Variants in FBXO39 observed in about 807,000 individuals in gnomAD.
The protein encoded by FBXO39 is F-box protein 39.
FBXO39 carries 22 observed loss-of-function variants against 36.6 expected under a neutral mutation model. That is an observed-to-expected ratio of 0.60 (90% CI 0.43 to 0.86). The LOEUF (loss-of-function observed/expected upper bound fraction) is 0.86. FBXO39 is among the 40% of genes least tolerant of loss of function. The pLI, the probability that FBXO39 is intolerant of heterozygous loss-of-function variation, is 0.00. For missense variants in FBXO39, 536 were observed against 543.9 expected, an observed-to-expected ratio of 0.99 and a Z score of 0.14; for synonymous variants, 206 against 205.8, an observed-to-expected ratio of 1.00 and a Z score of -0.01.
At position 6,776,409 on chromosome 17, in the gene FBXO39, C is replaced by T. The variant is rs74689928; in HGVS notation, c.-81+137C>T. On this transcript the variant is annotated intron_variant, in intron 1 of 3. Coordinates refer to ENST00000321535, the MANE Select transcript of FBXO39 (RefSeq NM_153230.3). ...GGGAGGCGGGCTGCTCTCATCACCC[C>T]CTCTGGGAAGCATCTTTGGCTGCAG... The T allele has an allele frequency of 3.3e-5, 5 of 151,798 alleles. No homozygotes were observed. The South Asian group carries it at 6.2e-4, about 19-fold the overall frequency. 9.4% of individuals were successfully genotyped at this position (151,798 alleles called of 1,614,324 possible).
At chr17:6,778,079 C>T (rs1488813575) in intron 1 of FBXO39, among the ~76,000 whole-genome samples, 4 of 152,064 alleles carry the variant, frequency 2.6e-5, no homozygotes, top group East Asian at 3.9e-4. Context: ...GACTTGGGGT[C>T]CATCAAAGGA....
chr17:6,787,370 A>T lies in FBXO39; in HGVS notation c.1271A>T (p.Tyr424Phe). 1 of 1,614,160 alleles carries T rather than the reference A, an allele frequency of 6.2e-7. No individual in the cohort carries two copies. Among genetic ancestry groups the T allele is most frequent in the African/African-American group, 1.3e-5 (1 of 75,054 alleles). Reference sequence around the variant, plus strand: ...ACCCTGCAGGAAATTTACAGGAAGTACAGAAAGCTGATCGAATCAGAGCTT... The same window carrying T: ...ACCCTGCAGGAAATTTACAGGAAGTTCAGAAAGCTGATCGAATCAGAGCTT... ...DKTLQEIYRKYRKLIESELSY... is the reference protein window; with the variant it reads ...DKTLQEIYRKFRKLIESELSY... The change falls in exon 4 of 4, where the codon TAC becomes TTC. Residue 424 changes from tyrosine (Y) to phenylalanine (F), a missense_variant. Coordinates refer to ENST00000321535, the MANE Select transcript of FBXO39 (RefSeq NM_153230.3).
chr17:6,783,310 G>A (rs1364529985), intron 2 of FBXO39, among the ~76,000 whole-genome samples: 1 of 151,832 alleles, frequency 6.6e-6, no homozygotes, highest in East Asian at 1.9e-4. Context: ...CATCAAAAAA[G>A]AAGAAAAACT....
chr17:6,779,368 T>C (rs984154496), intron 1 of FBXO39, among the ~76,000 whole-genome samples: 3 of 152,214 alleles, frequency 2.0e-5, no homozygotes, highest in African/African-American at 4.8e-5. Context: ...TTGCACGTAT[T>C]GTTCCCTCTG....
chr17:6,779,976 G>A lies in FBXO39; in HGVS notation c.108G>A (p.Arg36=), dbSNP rs751318642. 6 of 1,614,216 alleles carry A rather than the reference G, an allele frequency of 3.7e-6. No individual in the cohort carries two copies. Among genetic ancestry groups the A allele is most frequent in the Non-Finnish European group, 3.4e-6 (4 of 1,180,034 alleles). The change falls in exon 2 of 4, where the codon AGG becomes AGA. Residue 36 remains arginine, a synonymous_variant. Transcript: ENST00000321535. ...RVFWWLGDRD[R]SRAALVCRKW... The stretch of plus-strand genomic sequence containing the variant: ...TCTGGTGGCTAGGAGACAGGGACAG[G>A]TCCAGGGCTGCTCTTGTCTGCAGAA...
intron 2 of FBXO39, among the ~76,000 whole-genome samples, chr17:6,785,739 G>A (rs1280572800): frequency 6.6e-6 from 1 of 151,902 alleles, no homozygotes; most frequent in Admixed American, 6.6e-5. Flanking sequence ...GGCAAAATAA[G>A]TATATTAAAA....
At chr17:6,786,716 A>G (rs1976576591) in intron 2 of FBXO39, 64 bp from the exon 3 acceptor site, 2 of 1,421,098 alleles carry the variant, frequency 1.4e-6, no homozygotes, top group Admixed American at 2.3e-5. Context: ...GAAATGTTAC[A>G]GAACAACTCA....
In FBXO39 at chr17:6,780,394, G is replaced by A. The variant is rs148718442; in HGVS notation, c.526G>A (p.Val176Met). 6.2e-5 allele frequency: 100 copies of A among 1,614,008 alleles called. No homozygotes were observed. The highest frequency in any genetic ancestry group is 7.9e-5 in the Non-Finnish European group (93 of 1,180,042). ...CAACCTAAAAGGGGCCAGGCTGACC[G>A]TGGAGCAAGGCTGCCAAATTCTCGA... is the stretch of plus-strand genomic sequence containing the variant. ...YLNLKGARLT[V>M]EQGCQILDSL... Residue 176 changes from valine to methionine, a missense_variant, in exon 2 of 4, where the codon GTG becomes ATG. Transcript: ENST00000321535.
chr17:6,782,543 T>C (rs757957312), intron 2 of FBXO39, among the ~76,000 whole-genome samples: 22 of 152,038 alleles, frequency 1.4e-4, no homozygotes, highest in Non-Finnish European at 2.8e-4. Context: ...ATTTCACCTA[T>C]AAAGACACAC....
intron 2 of FBXO39, among the ~76,000 whole-genome samples, chr17:6,784,953 G>GTGTGTATATATA (rs1302291142): frequency 1.8e-5 from 2 of 113,830 alleles, no homozygotes; most frequent in African/African-American, 7.3e-5. Flanking sequence ...GTGTGTGTGT[G>GTGTGTATATATA]TATATATATA....
intron 2 of FBXO39, among the ~76,000 whole-genome samples, chr17:6,785,447 G>C (rs1976559417): frequency 6.7e-6 from 1 of 149,860 alleles, no homozygotes; most frequent in African/African-American, 2.5e-5. Flanking sequence ...AAGACTTCTT[G>C]AGCAATACCC....
intron 2 of FBXO39, among the ~76,000 whole-genome samples, chr17:6,782,411 G>C (rs912728624): frequency 6.6e-6 from 1 of 152,040 alleles, no homozygotes; most frequent in Non-Finnish European, 1.5e-5. Flanking sequence ...GAAATGTCCC[G>C]AGTAAGTCCC....
Position 6,787,367 on chromosome 17 carries a change from A to G in FBXO39, c.1268A>G (p.Lys423Arg). 6.2e-7 allele frequency: 1 copy of G among 1,614,142 alleles called. No homozygotes were observed. The highest frequency in any genetic ancestry group is 1.3e-5 in the African/African-American group (1 of 75,054). Residue 423 changes from lysine to arginine, a missense_variant, in exon 4 of 4, where the codon AAG becomes AGG. Physicochemically the swap from Lys to Arg is conservative, Grantham distance 26. Coordinates refer to ENST00000321535, the MANE Select transcript of FBXO39 (RefSeq NM_153230.3). ...EDKTLQEIYR[K>R]YRKLIESELS... ...AAGACCCTGCAGGAAATTTACAGGA[A>G]GTACAGAAAGCTGATCGAATCAGAG...
chr17:6,783,071 C>G (rs924512126), intron 2 of FBXO39, among the ~76,000 whole-genome samples: 12 of 152,102 alleles, frequency 7.9e-5, no homozygotes, highest in African/African-American at 2.9e-4. Context: ...TAGCAAGCAT[C>G]TTCTCTGACC....
intron 3 of FBXO39, 102 bp from the exon 4 acceptor site, chr17:6,787,198 G>GTATAAT: frequency 6.6e-7 from 1 of 1,515,934 alleles, no homozygotes. Context: ...TTAAGTTGCT[G>GTATAAT]TCAAGCCCTG....
At position 6,780,141 on chromosome 17, in the gene FBXO39, C is replaced by A; in HGVS notation, c.273C>A (p.His91Gln). 1 of 1,614,198 alleles carries A rather than the reference C, an allele frequency of 6.2e-7. No homozygotes were observed. Among genetic ancestry groups the A allele is most frequent in the Non-Finnish European group, 8.5e-7 (1 of 1,180,046 alleles). ...AGAAGTTTGGTCGTTATCTGGAGCA[C>A]CTGGAGGTCAAATTCATGAATCCTT... ...YVKKFGRYLE[H>Q]LEVKFMNPYN... is the part of the protein sequence containing the mutation. Residue 91 changes from histidine (H) to glutamine (Q), a missense_variant, in exon 2 of 4, where the codon CAC (histidine) becomes CAA (glutamine). Coordinates refer to ENST00000321535, the MANE Select transcript of FBXO39 (RefSeq NM_153230.3).
In FBXO39 at chr17:6,780,646, G is replaced by T. The variant is rs114913476; in HGVS notation, c.778G>T (p.Val260Phe). The T allele has an allele frequency of 6.2e-7, 1 of 1,614,076 alleles. No individual in the cohort carries two copies. Among genetic ancestry groups the T allele is most frequent in the Non-Finnish European group, 8.5e-7 (1 of 1,180,014 alleles). ...CCGGACCATCAACATCAAATGCCAC[G>T]TTCATGACCCCCACGGACAGGTCAT... Reference protein sequence around the residue: ...TLRTINIKCHVHDPHGQVIWG... With the variant: ...TLRTINIKCHFHDPHGQVIWG... Residue 260 changes from valine to phenylalanine, a missense_variant, in exon 2 of 4, where the codon GTT becomes TTT. Val to Phe is a conservative substitution (Grantham distance 50). Transcript: ENST00000321535.
chr17:6,780,766 C>G lies in FBXO39; in HGVS notation c.898C>G (p.Arg300Gly), dbSNP rs770201697. Residue 300 changes from arginine (R) to glycine (G), a missense_variant, in exon 2 of 4, where the codon CGA (arginine) becomes GGA (glycine). Transcript: ENST00000321535. Reference sequence around the variant, plus strand: ...GATCATGAAGTACGAACGCTTGGCCCGAATCCTCTTGCAGGAGATCCCGAT... The same window carrying G: ...GATCATGAAGTACGAACGCTTGGCCGGAATCCTCTTGCAGGAGATCCCGAT... Reference protein sequence around the residue: ...ERIMKYERLARILLQEIPIRS... With the variant: ...ERIMKYERLAGILLQEIPIRS... 6.2e-7 allele frequency: 1 copy of G among 1,613,980 alleles called. No individual in the cohort carries two copies. The highest frequency in any genetic ancestry group is 1.1e-5 in the South Asian group (1 of 91,080).
Position 6,786,895 on chromosome 17 carries a change from GT to G in FBXO39, c.1143del (p.Phe381LeufsTer6), listed in dbSNP as rs754433652. On this transcript the variant is annotated frameshift_variant, in exon 3 of 4. Transcript: ENST00000321535. LOFTEE classifies it high-confidence loss of function. ...AAAATCTGGGCTTTCCTTGATGTTA[GT>G]TTTGTGGAGCGGATCCTGAAGAGTC... The part of the protein sequence containing the change: ...YFKIWAFLDV[S>X]FVERILKSQK... 5 of 1,614,116 alleles carry G rather than the reference GT, an allele frequency of 3.1e-6. No homozygotes were observed. The South Asian group carries it at 5.5e-5, about 18-fold the overall frequency.
Sources: allele counts gnomAD v4.1 joint callset (sites outside exome capture counted in the v4.1 genomes callset), GRCh38; gene constraint gnomAD v4.1.1; transcripts MANE v1.5; gene names NCBI Gene and HGNC (gene_info 2026-07-23, HGNC 2026-07-21).